Variants in CHRNB3 observed in about 807,000 individuals in gnomAD.
CHRNB3 encodes the protein neuronal acetylcholine receptor subunit beta-3.
CHRNB3 carries 37 observed loss-of-function variants against 40.6 expected under a neutral mutation model. The ratio of observed to expected loss-of-function variants is 0.91; its 90% CI spans 0.70 to 1.20. CHRNB3 has a LOEUF of 1.20. CHRNB3 is among the 50% of genes most tolerant of loss of function. The pLI is 0.00. For missense variants in CHRNB3, 505 were observed against 551.2 expected, an observed-to-expected ratio of 0.92 and a Z score of 0.84; for synonymous variants, 207 against 207.1, an observed-to-expected ratio of 1.00 and a Z score of 0.00.
chr8:42,710,254 G>A, intron 2 of CHRNB3, 136 bp from the exon 3 acceptor site: 2 of 669,046 alleles, frequency 3.0e-6, no homozygotes, highest in East Asian at 2.8e-5. Context: ...GGAGGTTGAG[G>A]GTGCAGTGAG....
chr8:42,732,939 G>A (rs1816455200), intron 5 of CHRNB3, among the ~76,000 whole-genome samples: 1 of 152,070 alleles, frequency 6.6e-6, no homozygotes, highest in Non-Finnish European at 1.5e-5. Flanking sequence ...TAAAAGATCA[G>A]AAAGAATGAG....
Position 42,731,733 on chromosome 8 carries a change from C to A in CHRNB3, c.426C>A (p.Val142=), listed in dbSNP as rs774506577. 1.2e-6 allele frequency: 2 copies of A among 1,614,070 alleles called. No individual in the cohort carries two copies. Among genetic ancestry groups the A allele is most frequent in the South Asian group, 2.2e-5 (2 of 91,072 alleles). ...TCGTGAAATCAAACGGAACTGTTGT[C>A]TGGACCCCTCCCGCCAGCTACAAAA... ...KVIVKSNGTV[V]WTPPASYKSS... Residue 142 remains valine (V), a synonymous_variant, in exon 5 of 6, where the codon GTC becomes GTA. Coordinates refer to ENST00000289957, the MANE Select transcript of CHRNB3 (RefSeq NM_000749.5).
At chr8:42,736,090 C>T (rs1816518731) in intron 5 of CHRNB3, among the ~76,000 whole-genome samples, 1 of 152,128 alleles carries the variant, frequency 6.6e-6, no homozygotes, top group Admixed American at 6.6e-5. Context: ...GTCTCGAACT[C>T]CTGACCTCAG....
chr8:42,702,679 C>T (rs1384627080), intron 1 of CHRNB3, among the ~76,000 whole-genome samples: 16 of 152,028 alleles, frequency 1.1e-4, no homozygotes, highest in Admixed American at 1.0e-3. Flanking sequence ...AGGAGAATTG[C>T]TTGAACCCGG....
chr8:42,718,472 G>A (rs900570048), intron 3 of CHRNB3, among the ~76,000 whole-genome samples: 42 of 152,100 alleles, frequency 2.8e-4, no homozygotes, highest in Middle Eastern at 6.8e-3. Flanking sequence ...AGGAGATTGA[G>A]ACCATCCTAG....
intron 3 of CHRNB3, among the ~76,000 whole-genome samples, chr8:42,717,306 G>A (rs1406785876): frequency 2.5e-5 from 3 of 122,324 alleles, no homozygotes; most frequent in South Asian, 3.0e-4. Flanking sequence ...CCCGGGAGGC[G>A]GAGCTTGCAG....
At chr8:42,700,046 CT>C (rs1350989831) in intron 1 of CHRNB3, among the ~76,000 whole-genome samples, 1 of 150,690 alleles carries the variant, frequency 6.6e-6, no homozygotes, top group Non-Finnish European at 1.5e-5. Flanking sequence ...TGGAGTCTCG[CT>C]CTGTCGCCCA....
chr8:42,715,974 A>AC (rs200197966), intron 3 of CHRNB3, among the ~76,000 whole-genome samples: 17 of 116,538 alleles, frequency 1.5e-4, no homozygotes, highest in Middle Eastern at 5.2e-3. Flanking sequence ...AATTAAACTG[A>AC]CCTTTTTTTT....
At chr8:42,698,461 G>A (rs556223368) in intron 1 of CHRNB3, among the ~76,000 whole-genome samples, 2 of 152,148 alleles carry the variant, frequency 1.3e-5, no homozygotes, top group African/African-American at 4.8e-5. Flanking sequence ...TTTGATTATT[G>A]TAATTTTCAA....
At chr8:42,728,212 A>C (rs536046870) in intron 3 of CHRNB3, among the ~76,000 whole-genome samples, 15 of 152,352 alleles carry the variant, frequency 9.8e-5, no homozygotes, top group African/African-American at 3.1e-4. Context: ...ATGATTAGTC[A>C]TTAGGAAAAT....
chr8:42,730,453 G>A (rs758795959), intron 3 of CHRNB3, 141 bp from the exon 4 acceptor site: 1 of 531,218 alleles, frequency 1.9e-6, no homozygotes. Flanking sequence ...TGAGTCCCCA[G>A]TAGGGTCACG....
chr8:42,723,947 G>A (rs1318759577), intron 3 of CHRNB3, among the ~76,000 whole-genome samples: 5 of 151,942 alleles, frequency 3.3e-5, no homozygotes, highest in African/African-American at 7.3e-5. Flanking sequence ...TTAGCTGGGC[G>A]TGATGGTGGA....
At chr8:42,729,505 G>C (rs1816366553) in intron 3 of CHRNB3, among the ~76,000 whole-genome samples, 1 of 151,976 alleles carries the variant, frequency 6.6e-6, no homozygotes, top group Admixed American at 6.6e-5. Context: ...TGTTTTTTGG[G>C]GATCAAGTCT....
At chr8:42,697,894 A>G (rs1815704560) in intron 1 of CHRNB3, among the ~76,000 whole-genome samples, 1 of 152,238 alleles carries the variant, frequency 6.6e-6, no homozygotes. Context: ...ACATTATTGA[A>G]TGCACTGAGC....
At chr8:42,699,227 C>A (rs571261170) in intron 1 of CHRNB3, among the ~76,000 whole-genome samples, 1 of 152,092 alleles carries the variant, frequency 6.6e-6, no homozygotes, top group Admixed American at 6.6e-5. Context: ...TAAAAAGGAG[C>A]CTTGGGTGTG....
chr8:42,736,429 A>C, intron 5 of CHRNB3, 55 bp from the exon 6 acceptor site: 1 of 1,601,120 alleles, frequency 6.2e-7, no homozygotes, highest in African/African-American at 1.3e-5. Flanking sequence ...CTTGAGATGA[A>C]TACAGAACAG....
Position 42,732,092 on chromosome 8 carries a change from G to A in CHRNB3, c.785G>A (p.Gly262Glu). 6.2e-7 allele frequency: 1 copy of A among 1,614,028 alleles called. No individual in the cohort carries two copies. Among genetic ancestry groups the A allele is most frequent in the Non-Finnish European group, 8.5e-7 (1 of 1,180,010 alleles). The change falls in exon 5 of 6, where the codon GGA becomes GAA. Residue 262 changes from glycine to glutamate, a missense_variant. Physicochemically the swap from Gly to Glu is moderately conservative, Grantham distance 98. Coordinates refer to ENST00000289957, the MANE Select transcript of CHRNB3 (RefSeq NM_000749.5). The part of the protein sequence containing the change: ...VLVFYLPSDE[G>E]EKLSLSTSVL... ...GTGTTCTATTTACCTTCGGATGAAG[G>A]AGAAAAACTTTCATTATCCACATCG...
chr8:42,731,535 A>T, intron 4 of CHRNB3, 132 bp from the exon 5 acceptor site: 2 of 1,023,310 alleles, frequency 2.0e-6, no homozygotes, highest in South Asian at 3.6e-5. Flanking sequence ...AGCCCGGGCG[A>T]TAGAGTGAGA....
At chr8:42,735,198 C>T (rs909538783) in intron 5 of CHRNB3, among the ~76,000 whole-genome samples, 1 of 150,436 alleles carries the variant, frequency 6.6e-6, no homozygotes, top group African/African-American at 2.5e-5. Context: ...CCAGCCTGGG[C>T]GACAGAGCAA....
Sources: gnomAD v4.1 joint callset for allele counts (sites outside exome capture counted in the v4.1 genomes callset) on GRCh38, gnomAD v4.1.1 for gene constraint, MANE v1.5 for transcripts, NCBI Gene and HGNC (gene_info 2026-07-23, HGNC 2026-07-21) for gene names.